SGO1: variants seen among roughly 807,000 people sequenced by gnomAD.
SGO1 encodes the protein serologically defined breast cancer antigen NY-BR-85.
A neutral mutation model predicts 50.5 loss-of-function variants in SGO1; 39 were observed. The ratio of observed to expected loss-of-function variants is 0.77; its 90% CI spans 0.60 to 1.01. The LOEUF (loss-of-function observed/expected upper bound fraction) is 1.01. Ranked by LOEUF, SGO1 falls within the 50% of genes least tolerant of loss-of-function variation. The probability of loss-of-function intolerance (pLI) is 0.00; values close to 1 mark genes in which losing one functional copy is unlikely to be tolerated. For synonymous variants in SGO1, 191 were observed against 205.1 expected, an observed-to-expected ratio of 0.93 and a Z score of 0.59; for missense variants, 638 against 606.0, an observed-to-expected ratio of 1.05 and a Z score of -0.55.
chr3:20,180,561 T>C (rs532699724), intron 3 of SGO1, among the ~76,000 whole-genome samples: 30 of 151,814 alleles, frequency 2.0e-4, no homozygotes, highest in African/African-American at 6.8e-4. Flanking sequence ...GAAGAGAAAA[T>C]TGGATGCATG....
intron 3 of SGO1, among the ~76,000 whole-genome samples, chr3:20,181,671 C>G (rs1337735586): frequency 6.6e-6 from 1 of 152,140 alleles, no homozygotes; most frequent in Admixed American, 6.5e-5. Context: ...TCAGCAAAAA[C>G]TTTGTAAAGG....
intron 4 of SGO1, chr3:20,177,280 A>G (rs916055803): frequency 6.6e-6 from 1 of 152,214 alleles, no homozygotes; most frequent in Non-Finnish European, 1.5e-5. Flanking sequence ...AATAATAACT[A>G]CTTTAGAAAT....
At chr3:20,173,731 T>C (rs1176008970) in intron 6 of SGO1, among the ~76,000 whole-genome samples, 1 of 152,216 alleles carries the variant, frequency 6.6e-6, no homozygotes, top group Non-Finnish European at 1.5e-5. Context: ...ATGCCTACTT[T>C]TGATCTAATA....
Position 20,174,348 on chromosome 3 carries a change from T to C in SGO1, c.1183A>G (p.Asn395Asp). 1 of 1,614,206 alleles carries C rather than the reference T, an allele frequency of 6.2e-7. No homozygotes were observed. The highest frequency in any genetic ancestry group is 8.5e-7 in the Non-Finnish European group (1 of 1,180,032). ...TCKYIQNPTSNSDRPVTRPLA... is the reference protein window; with the variant it reads ...TCKYIQNPTSDSDRPVTRPLA... ...GGCCTGGTGACTGGTCTATCTGAATTGCTCGTGGGATTCTGAATGTACTTG... is the reference window on the plus strand; with the variant it reads ...GGCCTGGTGACTGGTCTATCTGAATCGCTCGTGGGATTCTGAATGTACTTG... Residue 395 changes from asparagine to aspartate, a missense_variant, in exon 6 of 8, where the codon AAT becomes GAT. Asn to Asp is a conservative substitution (Grantham distance 23). Transcript: ENST00000412997.
Position 20,174,460 on chromosome 3 carries a change from A to G in SGO1, c.1071T>C (p.Asn357=), listed in dbSNP as rs766344725. Reference sequence around the variant, plus strand: ...CTTCAGACTCGTTGTTTTCTTCTCTATTAGAGTCATTGCTCACTTTTTGTC... The same window carrying G: ...CTTCAGACTCGTTGTTTTCTTCTCTGTTAGAGTCATTGCTCACTTTTTGTC... ...PFRQKVSNDS[N]REENNESEVS... Residue 357 remains asparagine (N), a synonymous_variant, in exon 6 of 8, where the codon AAT becomes AAC. Coordinates refer to ENST00000412997, the MANE Select transcript of SGO1 (RefSeq NM_001199251.3). 7 of 1,614,042 alleles carry G rather than the reference A, an allele frequency of 4.3e-6. No homozygotes were observed. The highest frequency in any genetic ancestry group is 1.7e-5 in the Admixed American group (1 of 59,998).
chr3:20,182,092 A>C (rs1000873371), intron 3 of SGO1, among the ~76,000 whole-genome samples: 1 of 152,180 alleles, frequency 6.6e-6, no homozygotes, highest in Non-Finnish European at 1.5e-5. Context: ...CAAGAAAAAA[A>C]AAAGAAAAAA....
chr3:20,160,902 C>T (rs1700004796), exon 9 of SGO1: 1 of 595,160 alleles, frequency 1.7e-6, no homozygotes, highest in Non-Finnish European at 2.7e-6. Flanking sequence ...TCAACACGTA[C>T]TGATTCCTCG....
chr3:20,184,929 A>G (rs1226192995), intron 1 of SGO1, among the ~76,000 whole-genome samples: 1 of 152,064 alleles, frequency 6.6e-6, no homozygotes, highest in Non-Finnish European at 1.5e-5. Flanking sequence ...AAAATTGCAA[A>G]AAAAAAAGAC....
intron 3 of SGO1, among the ~76,000 whole-genome samples, chr3:20,178,928 T>C (rs1308650091): frequency 6.6e-6 from 1 of 152,150 alleles, no homozygotes; most frequent in East Asian, 1.9e-4. Context: ...GTAAACTGAT[T>C]TAAGTTTTTG....
At chr3:20,180,467 T>C (rs73175216) in intron 3 of SGO1, among the ~76,000 whole-genome samples, 6,958 of 152,222 alleles carry the variant, frequency 0.046, 385 homozygotes, top group East Asian at 0.2. Context: ...AGCACATCTT[T>C]ATGATGACTG....
intron 3 of SGO1, 112 bp downstream of exon 3, chr3:20,183,496 C>A: frequency 7.8e-6 from 7 of 898,550 alleles, no homozygotes; most frequent in Non-Finnish European, 1.2e-5. Flanking sequence ...ATGTTTTAAA[C>A]AATTCATGCA....
At position 20,170,472 on chromosome 3, in the gene SGO1, T is replaced by A; in HGVS notation, c.*232A>T. 1 of 1,091,426 alleles carries A rather than the reference T, an allele frequency of 9.2e-7. No individual in the cohort carries two copies. Among genetic ancestry groups the A allele is most frequent in the Non-Finnish European group, 1.1e-6 (1 of 900,464 alleles). 67.6% of individuals were successfully genotyped at this position (1,091,426 alleles called of 1,614,324 possible). A position where few individuals can be genotyped will look rare whatever the true frequency, so the allele number is the denominator to read the frequency against. Reference sequence around the variant, plus strand: ...GCATAAGAAATCGATATGATGATAATGCTTAAGCTCAGTTATTTATATTCA... The same window carrying A: ...GCATAAGAAATCGATATGATGATAAAGCTTAAGCTCAGTTATTTATATTCA... On this transcript the variant is annotated 3_prime_UTR_variant, in exon 8 of 8. Coordinates refer to ENST00000412997, the MANE Select transcript of SGO1 (RefSeq NM_001199251.3).
At chr3:20,173,654 A>G (rs1202672256) in intron 6 of SGO1, among the ~76,000 whole-genome samples, 1 of 152,230 alleles carries the variant, frequency 6.6e-6, no homozygotes, top group East Asian at 1.9e-4. Flanking sequence ...TTTTACTTGT[A>G]TTAACTAAAA....
chr3:20,184,060 CAGAG>C lies in SGO1; in HGVS notation c.-7-30_-7-27del, dbSNP rs771707864. The C allele has an allele frequency of 1.8e-4, 271 of 1,527,824 alleles. 1 individual carries two copies. In the African/African-American group the frequency reaches 3.3e-3, roughly 19 times the overall value. 94.6% of individuals were successfully genotyped at this position (1,527,824 alleles called of 1,614,324 possible). A position where few individuals can be genotyped will look rare whatever the true frequency, so the allele number is the denominator to read the frequency against. On this transcript the variant is annotated intron_variant, in intron 1 of 7. Coordinates refer to ENST00000412997, the MANE Select transcript of SGO1 (RefSeq NM_001199251.3). ...CTAAACAATAAAAAATATTTTTTCTCAGAGAGAATATTATCAAATATAAAACTTA... is the reference window on the plus strand; with the variant it reads ...CTAAACAATAAAAAATATTTTTTCTCAGAATATTATCAAATATAAAACTTA...
rs61729306 is a variant in SGO1, at chr3:20,175,027, T to A, written c.504A>T (p.Thr168=). ...EDQIPTIPQD[T]LGVDFDSGEA... ...CACCTGAATCAAAATCAACTCCCAG[T>A]GTGTCTTGAGGAATAGTAGGTATCT... is the stretch of plus-strand genomic sequence containing the variant. The change falls in exon 6 of 8, where the codon ACA becomes ACT. Residue 168 remains threonine, a synonymous_variant. Transcript: ENST00000412997. 0.19 allele frequency: 306,616 copies of A among 1,579,436 alleles called. 32,919 individuals are homozygous for A. The highest frequency in any genetic ancestry group is 0.4 in the East Asian group (17,625 of 44,254).
upstream of SGO1, chr3:20,186,372 A>G (rs1702675500): frequency 6.6e-6 from 1 of 152,218 alleles, no homozygotes. Context: ...CCTGGGGCGG[A>G]GCCTGCGGTC....
chr3:20,165,473 T>C (rs1371936320), downstream of SGO1, among the ~76,000 whole-genome samples: 1 of 152,164 alleles, frequency 6.6e-6, no homozygotes, highest in Non-Finnish European at 1.5e-5. Context: ...ACAATACATG[T>C]ACACTTAACA....
At chr3:20,164,780 G>C (rs1700211659), downstream of SGO1, among the ~76,000 whole-genome samples, 2 of 135,202 alleles carry the variant, frequency 1.5e-5, no homozygotes, top group African/African-American at 7.8e-5. Flanking sequence ...CAAAATAACA[G>C]AAAATTAAAA....
chr3:20,170,140 A>G lies in SGO1; in HGVS notation c.*564T>C, dbSNP rs1352362306. The G allele has an allele frequency of 2.0e-6, 2 of 982,180 alleles. No homozygotes were observed. The highest frequency in any genetic ancestry group is 2.3e-4 in the East Asian group (2 of 8,804). The allele number at this position is 982,180 out of a possible 1,614,324, so 60.8% of individuals were successfully genotyped here. A position where few individuals can be genotyped will look rare whatever the true frequency, so the allele number is the denominator to read the frequency against. On this transcript the variant is annotated 3_prime_UTR_variant, in exon 8 of 8. Coordinates refer to ENST00000412997, the MANE Select transcript of SGO1 (RefSeq NM_001199251.3). Reference sequence around the variant, plus strand: ...CATTTTGGGCTGGGCACAGTGGCTCAGTAATCCCAGCACTTTGGGAGGCCG... The same window carrying G: ...CATTTTGGGCTGGGCACAGTGGCTCGGTAATCCCAGCACTTTGGGAGGCCG...
Sources: allele counts gnomAD v4.1 joint callset (sites outside exome capture counted in the v4.1 genomes callset), GRCh38; gene constraint gnomAD v4.1.1; transcripts MANE v1.5; gene names NCBI Gene and HGNC (gene_info 2026-07-23, HGNC 2026-07-21).